Variants in FAM13A observed in about 807,000 individuals in gnomAD.
FAM13A encodes the protein protein FAM13A.
A neutral mutation model predicts 129.6 loss-of-function variants in FAM13A; 76 were observed. That is an observed-to-expected ratio of 0.59 (90% CI 0.49 to 0.71). The LOEUF is 0.71. Among genes scored for constraint, FAM13A ranks in the 30% least tolerant of loss-of-function variants. FAM13A has a pLI of 0.00. For synonymous variants in FAM13A, 443 were observed against 449.9 expected (o/e 0.98, Z 0.20); for missense variants, 1,108 against 1,249.3 (o/e 0.89, Z 1.70).
intron 6 of FAM13A, among the ~76,000 whole-genome samples, chr4:88,877,250 G>A (rs1742692252): frequency 1.3e-5 from 2 of 152,088 alleles, no homozygotes; most frequent in African/African-American, 4.8e-5. Context: ...TTAATTTACT[G>A]ATAGGTTTAA....
chr4:88,908,777 T>G (rs1009138095), intron 5 of FAM13A, among the ~76,000 whole-genome samples: 1 of 152,170 alleles, frequency 6.6e-6, no homozygotes, highest in African/African-American at 2.4e-5. Flanking sequence ...TATTTATTGA[T>G]GAAAAGACAA....
At chr4:89,027,709 T>C (rs991600606) in intron 2 of FAM13A, among the ~76,000 whole-genome samples, 3 of 152,094 alleles carry the variant, frequency 2.0e-5, no homozygotes, top group African/African-American at 4.8e-5. Context: ...TTGGGGCCAT[T>C]ATTAAGTAAA....
chr4:88,770,591 A>G (rs1037320114), intron 11 of FAM13A, among the ~76,000 whole-genome samples: 3 of 152,214 alleles, frequency 2.0e-5, no homozygotes, highest in Non-Finnish European at 4.4e-5. Flanking sequence ...AAAAAGAAAT[A>G]TTCAGGAAGA....
intron 11 of FAM13A, among the ~76,000 whole-genome samples, chr4:88,770,407 G>A (rs2149559407): frequency 6.6e-6 from 1 of 152,192 alleles, no homozygotes; most frequent in East Asian, 1.9e-4. Flanking sequence ...GAATTCCAAA[G>A]GAAAGCACAA....
intron 4 of FAM13A, among the ~76,000 whole-genome samples, chr4:88,981,268 A>C (rs1457475886): frequency 6.6e-6 from 1 of 152,220 alleles, no homozygotes; most frequent in East Asian, 1.9e-4. Flanking sequence ...AAATTGTACA[A>C]ACTAAGTGTG....
intron 6 of FAM13A, among the ~76,000 whole-genome samples, chr4:88,887,530 C>CTTTTTTTTT (rs33953927): frequency 2.3e-5 from 3 of 128,756 alleles, no homozygotes; most frequent in African/African-American, 5.7e-5. Context: ...ACCTTTCTTT[C>CTTTTTTTTT]TTTCTTTTTT....
chr4:89,013,610 A>G (rs893197199), intron 3 of FAM13A, among the ~76,000 whole-genome samples: 3 of 152,198 alleles, frequency 2.0e-5, no homozygotes, highest in African/African-American at 4.8e-5. Flanking sequence ...TGTCATAGCC[A>G]TCATAACGTC....
chr4:88,778,457 C>T (rs1722197510), intron 11 of FAM13A, among the ~76,000 whole-genome samples: 1 of 152,310 alleles, frequency 6.6e-6, no homozygotes, highest in African/African-American at 2.4e-5. Context: ...ACCTCTTGAC[C>T]ACTGCAGTGC....
chr4:88,813,883 T>TGC lies in FAM13A; in HGVS notation c.1008-8833_1008-8832dup, dbSNP rs1730148713. ...GGGCGCTTCCACAACCACGGGCAGG[T>TGC]GCTCATATGAGAACATTTTCTGAGT... On this transcript the variant is annotated intron_variant, in intron 7 of 23. Coordinates refer to ENST00000264344, the MANE Select transcript of FAM13A (RefSeq NM_014883.4). Among the ~76,000 whole-genome samples the TGC allele has an allele frequency of 2.6e-5, 4 of 152,294 alleles. No homozygotes were observed. The South Asian group carries it at 6.2e-4, about 24-fold the overall frequency.
At chr4:88,992,297 G>A (rs1470425086) in intron 3 of FAM13A, among the ~76,000 whole-genome samples, 3 of 147,684 alleles carry the variant, frequency 2.0e-5, no homozygotes, top group African/African-American at 5.0e-5. Context: ...AAGGAGTCTC[G>A]CTCTTGTCAC....
chr4:88,803,635 T>C (rs1158962420), intron 8 of FAM13A, among the ~76,000 whole-genome samples: 1 of 152,186 alleles, frequency 6.6e-6, no homozygotes, highest in Non-Finnish European at 1.5e-5. Flanking sequence ...AGGAATTGCA[T>C]AGTTGAGATA....
At chr4:89,048,923 T>C (rs1488222229) in intron 1 of FAM13A, among the ~76,000 whole-genome samples, 2 of 152,164 alleles carry the variant, frequency 1.3e-5, no homozygotes, top group Non-Finnish European at 2.9e-5. Context: ...TTGTTCATCA[T>C]TTTTGGCAGT....
At chr4:88,876,419 A>G (rs1023136877) in intron 6 of FAM13A, among the ~76,000 whole-genome samples, 3 of 151,420 alleles carry the variant, frequency 2.0e-5, no homozygotes, top group Admixed American at 6.6e-5. Flanking sequence ...ACCACTCTGT[A>G]GTATCAGTGA....
rs886692602 is a variant in FAM13A, at chr4:88,906,257, C to T, written c.843+122G>A. 7.5e-5 allele frequency: 53 copies of T among 709,336 alleles called. No individual in the cohort carries two copies. In the African/African-American group the frequency reaches 9.2e-4, roughly 12 times the overall value. 43.9% of individuals were successfully genotyped at this position (709,336 alleles called of 1,614,324 possible). A position where few individuals can be genotyped will look rare whatever the true frequency, so the allele number is the denominator to read the frequency against. ...GAGCTGAGATTGCGCCACTGCACTC[C>T]AGCCTGGACGATAAAGCAAGACTCT... On this transcript the variant is annotated intron_variant, in intron 6 of 23. Transcript: ENST00000264344.
intron 3 of FAM13A, among the ~76,000 whole-genome samples, chr4:89,012,363 A>G (rs76050527): frequency 0.015 from 2,345 of 152,364 alleles, 31 homozygotes; most frequent in Non-Finnish European, 0.027. Flanking sequence ...TAACATGGCA[A>G]TAGGAAAGGA....
intron 6 of FAM13A, among the ~76,000 whole-genome samples, chr4:88,879,211 A>C (rs1743122712): frequency 6.6e-6 from 1 of 152,214 alleles, no homozygotes; most frequent in African/African-American, 2.4e-5. Context: ...ACAGGTTAAG[A>C]GGTAAGAACA....
intron 8 of FAM13A, among the ~76,000 whole-genome samples, chr4:88,791,532 T>C (rs1725150686): frequency 6.6e-6 from 1 of 152,088 alleles, no homozygotes; most frequent in African/African-American, 2.4e-5. Context: ...GATTTAAAAG[T>C]GCCTATCCTT....
intron 2 of FAM13A, among the ~76,000 whole-genome samples, chr4:89,025,255 T>TTTTTTG (rs1767799685): frequency 1.6e-5 from 1 of 62,928 alleles, no homozygotes. Context: ...GTTTTTTTTT[T>TTTTTTG]TTTTTTTTTT....
At chr4:88,876,238 T>C (rs1742450044) in intron 6 of FAM13A, among the ~76,000 whole-genome samples, 1 of 152,066 alleles carries the variant, frequency 6.6e-6, no homozygotes, top group Non-Finnish European at 1.5e-5. Context: ...CATGTATACA[T>C]ATGTAACCAA....
Sources: allele counts gnomAD v4.1 joint callset (sites outside exome capture counted in the v4.1 genomes callset), GRCh38; gene constraint gnomAD v4.1.1; transcripts MANE v1.5; gene names NCBI Gene and HGNC (gene_info 2026-07-23, HGNC 2026-07-21).